The following BCAS1 variants were observed in gnomAD, a reference collection of about 807,000 sequenced individuals.
BCAS1 encodes brain enriched myelin associated protein 1.
Under a neutral mutation model 65.4 loss-of-function variants are expected in BCAS1, and 46 were observed. That is an observed-to-expected ratio of 0.70 (90% confidence interval 0.55 to 0.90). The LOEUF is 0.90. BCAS1 is among the 40% of genes least tolerant of loss of function. BCAS1 has a pLI of 0.00. For synonymous variants in BCAS1, 298 were observed against 293.5 expected, an observed-to-expected ratio of 1.02 and a Z score of -0.16; for missense variants, 793 against 771.2, an observed-to-expected ratio of 1.03 and a Z score of -0.33.
At chr20:53,949,642 G>A (rs567518369) in intron 12 of BCAS1, among the ~76,000 whole-genome samples, 34 of 152,160 alleles carry the variant, frequency 2.2e-4, no homozygotes, top group Non-Finnish European at 3.2e-4. Context: ...GCCCCCCTCC[G>A]TCCTCCATCA....
chr20:53,988,921 A>G (rs1034041469), intron 7 of BCAS1, among the ~76,000 whole-genome samples: 2 of 152,218 alleles, frequency 1.3e-5, no homozygotes, highest in South Asian at 2.1e-4. Context: ...ACTGTTTCCA[A>G]TGAATCAAGG....
intron 1 of BCAS1, among the ~76,000 whole-genome samples, chr20:54,066,247 T>A (rs2092440732): frequency 6.6e-6 from 1 of 152,128 alleles, no homozygotes; most frequent in Admixed American, 6.5e-5. Context: ...TAATTTTTTG[T>A]ATTTTTGGTA....
At chr20:53,998,846 C>G (rs572913400) in intron 4 of BCAS1, among the ~76,000 whole-genome samples, 2,419 of 152,176 alleles carry the variant, frequency 0.016, 54 homozygotes, top group African/African-American at 0.055. Flanking sequence ...AGCATGCAAA[C>G]CACTATACAA....
chr20:54,055,008 A>T (rs1372948118), intron 3 of BCAS1, among the ~76,000 whole-genome samples: 2 of 152,224 alleles, frequency 1.3e-5, no homozygotes, highest in African/African-American at 2.4e-5. Context: ...TATAAAAAAC[A>T]TAAATATATT....
intron 4 of BCAS1, among the ~76,000 whole-genome samples, chr20:53,999,712 C>T (rs2091009542): frequency 1.3e-5 from 2 of 152,050 alleles, no homozygotes. Flanking sequence ...TTACTTCTTT[C>T]AAGTCTTTTT....
intron 9 of BCAS1, 91 bp from the exon 10 acceptor site, chr20:53,967,164 T>G: frequency 7.6e-7 from 1 of 1,322,518 alleles, no homozygotes; most frequent in Non-Finnish European, 1.1e-6. Context: ...TGCCCCCCTG[T>G]CCACATAGTA....
intron 5 of BCAS1, 72 bp downstream of exon 5, chr20:53,995,820 G>A (rs1321368192): frequency 7.0e-7 from 1 of 1,430,218 alleles, no homozygotes; most frequent in Non-Finnish European, 9.5e-7. Flanking sequence ...ACATTCAAAT[G>A]TGCATTATTC....
In BCAS1 at chr20:54,032,555, T is replaced by C. The variant is rs568519310; in HGVS notation, c.143-3583A>G. On this transcript the variant is annotated intron_variant, in intron 3 of 12. Coordinates refer to ENST00000688948, the MANE Select transcript of BCAS1 (RefSeq NM_001366298.2). ...AGGCTGGATAAAGAACCAAGAACCA[T>C]TGGTATACTGTCTTCAAGAGACCCA... is the stretch of plus-strand genomic sequence containing the variant. Among the ~76,000 whole-genome samples the C allele has an allele frequency of 2.6e-5, 4 of 151,274 alleles. No homozygotes were observed. In the South Asian group the frequency reaches 8.4e-4, roughly 32 times the overall value.
intron 12 of BCAS1, among the ~76,000 whole-genome samples, chr20:53,946,812 A>G (rs1348108058): frequency 6.6e-6 from 1 of 151,406 alleles, no homozygotes; most frequent in African/African-American, 2.4e-5. Context: ...AAAGGGAAGT[A>G]TAATGTACTA....
rs377004928 is a variant in BCAS1 at position 54,063,175 on chromosome 20, G to C, written c.-5-4452C>G. On this transcript the variant is annotated intron_variant, in intron 1 of 12. Transcript: ENST00000688948. ...TGCCAGCCCAGTGCTGAAGCTCTAT[G>C]TAGACATCAGTGTAGCACATAGGAT... 9.2e-5 allele frequency among the ~76,000 whole-genome samples: 14 copies of C among 152,324 alleles called. 2 individuals carry two copies. Among genetic ancestry groups the C allele is most frequent in the East Asian group, 5.8e-4 (3 of 5,188 alleles).
intron 3 of BCAS1, among the ~76,000 whole-genome samples, chr20:54,046,406 G>A (rs1249567165): frequency 1.3e-5 from 2 of 151,660 alleles, no homozygotes; most frequent in African/African-American, 4.8e-5. Flanking sequence ...GCGGGCACCT[G>A]TAATCCCAGC....
intron 3 of BCAS1, 136 bp from the exon 4 acceptor site, chr20:54,029,108 G>A: frequency 7.0e-7 from 1 of 1,436,966 alleles, no homozygotes; most frequent in Non-Finnish European, 9.1e-7. Flanking sequence ...ATTCTGAAAG[G>A]CAGAAGTTAG....
At chr20:54,009,008 T>G (rs2091265246) in intron 4 of BCAS1, among the ~76,000 whole-genome samples, 1 of 152,168 alleles carries the variant, frequency 6.6e-6, no homozygotes, top group Non-Finnish European at 1.5e-5. Context: ...GAGATGGGTT[T>G]CACCATGTTG....
intron 9 of BCAS1, among the ~76,000 whole-genome samples, chr20:53,968,394 G>A (rs1379481284): frequency 6.6e-6 from 1 of 152,144 alleles, no homozygotes; most frequent in Non-Finnish European, 1.5e-5. Context: ...AGGGGGTAGG[G>A]GAAGGGGACT....
chr20:54,035,721 T>C (rs138202965), intron 3 of BCAS1, among the ~76,000 whole-genome samples: 1 of 151,004 alleles, frequency 6.6e-6, no homozygotes, highest in African/African-American at 2.4e-5. Context: ...ACCCGAAAAA[T>C]AGAAATCATT....
intron 3 of BCAS1, among the ~76,000 whole-genome samples, chr20:54,050,314 G>T (rs566454353): frequency 6.6e-6 from 1 of 152,294 alleles, no homozygotes; most frequent in South Asian, 2.1e-4. Flanking sequence ...GCCATGTAAG[G>T]TCACATACTC....
chr20:54,067,452 G>T (rs752015669), intron 1 of BCAS1, among the ~76,000 whole-genome samples: 1 of 152,208 alleles, frequency 6.6e-6, no homozygotes, highest in East Asian at 1.9e-4. Flanking sequence ...AGGATTTAGC[G>T]CCAGGGCTTG....
At chr20:54,063,391 G>A (rs1230518395) in intron 1 of BCAS1, among the ~76,000 whole-genome samples, 1 of 152,226 alleles carries the variant, frequency 6.6e-6, no homozygotes, top group Non-Finnish European at 1.5e-5. Context: ...ACAAGAGTTA[G>A]CATGAGTAGG....
intron 3 of BCAS1, among the ~76,000 whole-genome samples, chr20:54,038,842 G>C (rs932184491): frequency 4.6e-5 from 7 of 151,290 alleles, no homozygotes; most frequent in Admixed American, 1.3e-4. Flanking sequence ...AAGGGAAATT[G>C]TACATCTTGC....
Sources: allele counts gnomAD v4.1 joint callset (sites outside exome capture counted in the v4.1 genomes callset), GRCh38; gene constraint gnomAD v4.1.1; transcripts MANE v1.5; gene names NCBI Gene and HGNC (gene_info 2026-07-23, HGNC 2026-07-21).